The following SGCZ variants were observed in gnomAD, a reference collection of about 807,000 sequenced individuals.
SGCZ encodes the protein zeta-sarcoglycan.
SGCZ carries 40 observed loss-of-function variants against 41.3 expected under a neutral mutation model. The ratio of observed to expected loss-of-function variants is 0.97; its 90% confidence interval spans 0.75 to 1.26. The LOEUF is 1.26. SGCZ is among the 50% of genes most tolerant of loss of function. SGCZ has a pLI of 0.00. For synonymous variants in SGCZ, 206 were observed against 137.5 expected (o/e 1.50, Z -3.49); for missense variants, 552 against 369.8 (o/e 1.49, Z -4.04).
At chr8:14,819,172 T>C (rs1462624539) in intron 1 of SGCZ, among the ~76,000 whole-genome samples, 1 of 150,638 alleles carries the variant, frequency 6.6e-6, no homozygotes, top group Non-Finnish European at 1.5e-5. Context: ...TTCTAAAAGC[T>C]GCAAGAGAAT....
At chr8:14,384,916 C>T (rs1563294778) in intron 2 of SGCZ, among the ~76,000 whole-genome samples, 1 of 152,194 alleles carries the variant, frequency 6.6e-6, no homozygotes, top group East Asian at 1.9e-4. Flanking sequence ...TTAATTAAAG[C>T]AGTCCTAACT....
chr8:14,688,039 G>T (rs1808674791), intron 1 of SGCZ, among the ~76,000 whole-genome samples: 1 of 152,086 alleles, frequency 6.6e-6, no homozygotes, highest in Admixed American at 6.6e-5. Context: ...TTTTGATGGG[G>T]TTGTTTGTTT....
chr8:14,984,688 G>A (rs1234730095), intron 1 of SGCZ, among the ~76,000 whole-genome samples: 1 of 151,982 alleles, frequency 6.6e-6, no homozygotes, highest in Non-Finnish European at 1.5e-5. Context: ...CATATCTTTT[G>A]AATAATGTAA....
chr8:14,578,683 G>C lies in SGCZ; in HGVS notation c.40-23757C>G, dbSNP rs144267230. Among the ~76,000 whole-genome samples, 489 of 152,254 alleles carry C rather than the reference G, an allele frequency of 3.2e-3. 4 individuals are homozygous for C. The highest frequency in any genetic ancestry group is 0.011 in the African/African-American group (462 of 41,544). On this transcript the variant is annotated intron_variant, in intron 1 of 7. Coordinates refer to ENST00000382080, the MANE Select transcript of SGCZ (RefSeq NM_139167.4). ...GAAAATTCGGTGATGAATAATAAGG[G>C]ATATTACTTGTAATTTCAACAAATT...
chr8:15,158,071 G>A (rs1231599289), intron 1 of SGCZ, among the ~76,000 whole-genome samples: 1 of 151,738 alleles, frequency 6.6e-6, no homozygotes, highest in Non-Finnish European at 1.5e-5. Context: ...AAACACAAAT[G>A]GTATCATCTC....
At chr8:15,202,522 G>T (rs1005576985) in intron 1 of SGCZ, among the ~76,000 whole-genome samples, 1 of 152,038 alleles carries the variant, frequency 6.6e-6, no homozygotes, top group African/African-American at 2.4e-5. Flanking sequence ...GTGGGTGAGG[G>T]ATAAAAGACT....
chr8:14,473,523 A>C (rs1283648334), intron 2 of SGCZ, among the ~76,000 whole-genome samples: 1 of 152,204 alleles, frequency 6.6e-6, no homozygotes, highest in African/African-American at 2.4e-5. Flanking sequence ...CAAAAACTAA[A>C]ATATCAATTT....
chr8:14,274,983 A>G (rs1800179586), intron 3 of SGCZ, among the ~76,000 whole-genome samples: 1 of 152,140 alleles, frequency 6.6e-6, no homozygotes, highest in Non-Finnish European at 1.5e-5. Context: ...TAAACAAGTG[A>G]AATATACCCA....
At chr8:14,289,510 A>G (rs1800768265) in intron 3 of SGCZ, among the ~76,000 whole-genome samples, 1 of 152,084 alleles carries the variant, frequency 6.6e-6, no homozygotes. Context: ...CTACAGCTTT[A>G]TGTTGAAGAG....
chr8:14,117,169 A>G (rs1341278471), intron 5 of SGCZ, among the ~76,000 whole-genome samples: 2 of 152,130 alleles, frequency 1.3e-5, no homozygotes, highest in Admixed American at 6.6e-5. Context: ...ACCTACAAAA[A>G]TAATGCATTA....
At chr8:14,296,630 CCATA>C (rs1422997173) in intron 3 of SGCZ, among the ~76,000 whole-genome samples, 1 of 151,798 alleles carries the variant, frequency 6.6e-6, no homozygotes, top group Non-Finnish European at 1.5e-5. Flanking sequence ...ACATACAGAC[CCATA>C]CAATGTTAAT....
rs60363368 is a variant in SGCZ at position 15,097,916 on chromosome 8, GTA to G, written c.39+139667_39+139668del. Among the ~76,000 whole-genome samples the G allele has an allele frequency of 2.1e-4, 17 of 80,014 alleles. No individual in the cohort carries two copies. In the South Asian group the frequency reaches 3.5e-3, roughly 17 times the overall value. The allele number at this position is 80,014 out of a possible 152,430, so 52.5% of individuals were successfully genotyped here. A position where few individuals can be genotyped will look rare whatever the true frequency, so the allele number is the denominator to read the frequency against. On this transcript the variant is annotated intron_variant, in intron 1 of 7. Transcript: ENST00000382080. ...TATATATATATATATATATACGTGT[GTA>G]TATATATATATATACATACATACAC...
At chr8:14,932,398 CT>C (rs1351955699) in intron 1 of SGCZ, among the ~76,000 whole-genome samples, 1 of 152,102 alleles carries the variant, frequency 6.6e-6, no homozygotes, top group African/African-American at 2.4e-5. Context: ...CAAAATGTCT[CT>C]TTCATCATGA....
chr8:14,290,837 G>A (rs971396233), intron 3 of SGCZ, among the ~76,000 whole-genome samples: 3 of 152,172 alleles, frequency 2.0e-5, no homozygotes, highest in South Asian at 2.1e-4. Flanking sequence ...TACCACTACT[G>A]CATATATTTT....
At chr8:14,186,346 C>T (rs923024706) in intron 4 of SGCZ, among the ~76,000 whole-genome samples, 1 of 152,186 alleles carries the variant, frequency 6.6e-6, no homozygotes, top group Non-Finnish European at 1.5e-5. Flanking sequence ...TCTCTATTTC[C>T]TTCCCACCCC....
At chr8:14,519,933 A>T (rs1802740593) in intron 2 of SGCZ, among the ~76,000 whole-genome samples, 1 of 152,158 alleles carries the variant, frequency 6.6e-6, no homozygotes, top group South Asian at 2.1e-4. Flanking sequence ...TTACCAACAT[A>T]AACCATGGTT....
chr8:14,178,931 T>A (rs2117017798), intron 4 of SGCZ, among the ~76,000 whole-genome samples: 1 of 152,342 alleles, frequency 6.6e-6, no homozygotes, highest in East Asian at 1.9e-4. Context: ...TGGTCACACT[T>A]CTGAGCCCAT....
chr8:14,544,890 T>C (rs1053512379), intron 2 of SGCZ, among the ~76,000 whole-genome samples: 11 of 152,158 alleles, frequency 7.2e-5, no homozygotes, highest in African/African-American at 2.4e-4. Flanking sequence ...GCATGTGATC[T>C]TTATTAGACC....
chr8:14,297,740 C>A (rs150746469), intron 3 of SGCZ, among the ~76,000 whole-genome samples: 1 of 151,900 alleles, frequency 6.6e-6, no homozygotes, highest in Non-Finnish European at 1.5e-5. Context: ...TCCATTTAAA[C>A]GGCTATATCT....
Sources: allele counts gnomAD v4.1 joint callset (sites outside exome capture counted in the v4.1 genomes callset), GRCh38; gene constraint gnomAD v4.1.1; transcripts MANE v1.5; gene names NCBI Gene and HGNC (gene_info 2026-07-23, HGNC 2026-07-21).